The following STAG1 variants were observed in gnomAD, a reference collection of about 807,000 sequenced individuals.
The protein encoded by STAG1 is cohesin subunit SA-1.
A neutral mutation model predicts 170.9 loss-of-function variants in STAG1; 26 were observed. That is an observed-to-expected ratio of 0.15 (90% CI 0.11 to 0.21). STAG1 has a LOEUF of 0.21. Ranked by LOEUF, STAG1 falls within the 10% of genes least tolerant of loss-of-function variation. The pLI is 1.00. For synonymous variants in STAG1, 514 were observed against 497.7 expected, an observed-to-expected ratio of 1.03 and a Z score of -0.44; for missense variants, 964 against 1,509.5, an observed-to-expected ratio of 0.64 and a Z score of 5.99.
intron 4 of STAG1, among the ~76,000 whole-genome samples, chr3:136,592,484 T>C (rs1262758526): frequency 6.6e-6 from 1 of 152,172 alleles, no homozygotes; most frequent in Non-Finnish European, 1.5e-5. Context: ...GAAATCTCTT[T>C]TCTTTATAAA....
chr3:136,464,072 A>C lies in STAG1; in HGVS notation c.1313+809T>G, dbSNP rs2089372824. On this transcript the variant is annotated intron_variant, in intron 13 of 33. Coordinates refer to ENST00000383202, the MANE Select transcript of STAG1 (RefSeq NM_005862.3). ...AAAAAAATAAGGTTTAAAAAAAATT[A>C]AACTGCAACTATATATATATAAAAC... Among the ~76,000 whole-genome samples, 4 of 151,898 alleles carry C rather than the reference A, an allele frequency of 2.6e-5. No individual in the cohort carries two copies. The South Asian group carries it at 8.3e-4, about 31-fold the overall frequency.
intron 22 of STAG1, 52 bp downstream of exon 22, chr3:136,398,697 C>A: frequency 9.3e-7 from 1 of 1,073,458 alleles, no homozygotes; most frequent in Non-Finnish European, 1.3e-6. Context: ...AATAGTTAAG[C>A]AAGGTTATTA....
intron 1 of STAG1, among the ~76,000 whole-genome samples, chr3:136,693,339 A>G (rs1942785299): frequency 6.6e-6 from 1 of 152,210 alleles, no homozygotes; most frequent in Non-Finnish European, 1.5e-5. Context: ...GTCTACAAGA[A>G]TAGTCAGAAC....
chr3:136,744,644 G>A (rs1001793191), intron 1 of STAG1, among the ~76,000 whole-genome samples: 4 of 149,526 alleles, frequency 2.7e-5, no homozygotes, highest in Non-Finnish European at 4.4e-5. Flanking sequence ...GCTGTGAGTC[G>A]TGACATTTCT....
intron 28 of STAG1, among the ~76,000 whole-genome samples, chr3:136,349,923 G>A (rs1936371954): frequency 6.6e-6 from 1 of 152,166 alleles, no homozygotes; most frequent in Non-Finnish European, 1.5e-5. Context: ...GGGAGGCCGA[G>A]GTGGGCAGAT....
chr3:136,497,657 G>A (rs986640650), intron 9 of STAG1, among the ~76,000 whole-genome samples: 4 of 151,232 alleles, frequency 2.6e-5, no homozygotes, highest in South Asian at 2.1e-4. Flanking sequence ...TGGCTAACAC[G>A]GTGAAACCCT....
At chr3:136,346,485 T>G (rs529559522) in intron 29 of STAG1, among the ~76,000 whole-genome samples, 64 of 152,318 alleles carry the variant, frequency 4.2e-4, no homozygotes, top group Admixed American at 4.1e-3. Context: ...ACAAAAAAGT[T>G]TTCTTTTTTT....
chr3:136,575,801 C>T (rs1937435995), intron 4 of STAG1, among the ~76,000 whole-genome samples: 1 of 152,066 alleles, frequency 6.6e-6, no homozygotes, highest in Non-Finnish European at 1.5e-5. Context: ...GGAAGTTGTG[C>T]ATATCATTTC....
intron 22 of STAG1, among the ~76,000 whole-genome samples, chr3:136,381,252 A>T (rs1045187024): frequency 6.6e-6 from 1 of 152,178 alleles, no homozygotes; most frequent in African/African-American, 2.4e-5. Context: ...GAGACTGCTC[A>T]AGGAGAATAC....
chr3:136,458,597 G>T (rs1460030744), intron 13 of STAG1, among the ~76,000 whole-genome samples: 1 of 152,026 alleles, frequency 6.6e-6, no homozygotes, highest in East Asian at 1.9e-4. Flanking sequence ...GACAGTGAGA[G>T]AGAGAAAAAA....
chr3:136,579,993 G>A lies in STAG1; in HGVS notation c.298-11132C>T, dbSNP rs1041368722. 7.8e-5 allele frequency among the ~76,000 whole-genome samples: 7 copies of A among 89,442 alleles called. No individual in the cohort carries two copies. In the East Asian group the frequency reaches 1.7e-3, roughly 22 times the overall value. The allele number at this position is 89,442 out of a possible 152,430, so 58.7% of individuals were successfully genotyped here. A position where few individuals can be genotyped will look rare whatever the true frequency, so the allele number is the denominator to read the frequency against. On this transcript the variant is annotated intron_variant, in intron 4 of 33. Transcript: ENST00000383202. ...TTTTTTTTTTTTTTTTTTTGAGACG[G>A]AGTCTCACTCTGTCGCCAGGCTGGA...
At chr3:136,662,913 T>C (rs549198151) in intron 1 of STAG1, among the ~76,000 whole-genome samples, 232 of 152,134 alleles carry the variant, frequency 1.5e-3, no homozygotes, top group African/African-American at 4.9e-3. Flanking sequence ...TAGCCAAGCA[T>C]GGTGGCAGGC....
intron 22 of STAG1, among the ~76,000 whole-genome samples, chr3:136,385,637 C>CAT (rs1245708631): frequency 6.6e-6 from 1 of 152,158 alleles, no homozygotes; most frequent in Non-Finnish European, 1.5e-5. Flanking sequence ...CTGAAACCTA[C>CAT]ATATACCCAT....
chr3:136,413,094 C>G (rs920355226), intron 21 of STAG1, among the ~76,000 whole-genome samples: 1 of 150,658 alleles, frequency 6.6e-6, no homozygotes, highest in South Asian at 2.1e-4. Flanking sequence ...GAACTCCTGA[C>G]CTCAAGTGAT....
At chr3:136,637,744 TA>T (rs1331482337) in intron 1 of STAG1, among the ~76,000 whole-genome samples, 3 of 151,944 alleles carry the variant, frequency 2.0e-5, no homozygotes, top group Non-Finnish European at 4.4e-5. Flanking sequence ...ACTGGAAGAG[TA>T]CCTGGAACTC....
chr3:136,655,762 A>T (rs951910345), intron 1 of STAG1, among the ~76,000 whole-genome samples: 4 of 143,612 alleles, frequency 2.8e-5, no homozygotes, highest in East Asian at 4.0e-4. Flanking sequence ...AGACTCCATT[A>T]AAAAAAAAAA....
In STAG1 at chr3:136,648,226, A is replaced by G. The variant is rs191746627; in HGVS notation, c.-83-17245T>C. Among the ~76,000 whole-genome samples the G allele has an allele frequency of 4.0e-4, 61 of 152,360 alleles. 1 individual carries two copies. Among genetic ancestry groups the G allele is most frequent in the Non-Finnish European group, 7.3e-4 (50 of 68,038 alleles). On this transcript the variant is annotated intron_variant, in intron 1 of 33. Transcript: ENST00000383202. Reference sequence around the variant, plus strand: ...TTATCCTAGTCTTTTCAACTAGACCATGGTTGTTAACCAGAACAGAAATCA... The same window carrying G: ...TTATCCTAGTCTTTTCAACTAGACCGTGGTTGTTAACCAGAACAGAAATCA...
chr3:136,673,254 T>C (rs925637332), intron 1 of STAG1, among the ~76,000 whole-genome samples: 1 of 152,148 alleles, frequency 6.6e-6, no homozygotes, highest in African/African-American at 2.4e-5. Flanking sequence ...TAGCAAAGGG[T>C]TAGACAACAG....
intron 13 of STAG1, among the ~76,000 whole-genome samples, chr3:136,464,322 C>G (rs2089384797): frequency 6.6e-6 from 1 of 151,862 alleles, no homozygotes; most frequent in Non-Finnish European, 1.5e-5. Flanking sequence ...ACTTGGGAAG[C>G]TGAGGTAGGA....
Sources: gnomAD v4.1 joint callset for allele counts (sites outside exome capture counted in the v4.1 genomes callset) on GRCh38, gnomAD v4.1.1 for gene constraint, MANE v1.5 for transcripts, NCBI Gene and HGNC (gene_info 2026-07-23, HGNC 2026-07-21) for gene names.